The following LDHA variants were observed in gnomAD, a reference collection of about 807,000 sequenced individuals.
LDHA encodes the protein L-lactate dehydrogenase A chain.
A neutral mutation model predicts 36.3 loss-of-function variants in LDHA; 10 were observed. The ratio of observed to expected loss-of-function variants is 0.28; its 90% confidence interval spans 0.17 to 0.47. The LOEUF (loss-of-function observed/expected upper bound fraction) is 0.47, where lower values mean the gene tolerates loss of function less well. Ranked by LOEUF, LDHA falls within the 20% of genes least tolerant of loss-of-function variation. The pLI, the probability that LDHA is intolerant of heterozygous loss-of-function variation, is 0.99. For synonymous variants in LDHA, 110 were observed against 136.7 expected, an observed-to-expected ratio of 0.80 and a Z score of 1.36; for missense variants, 267 against 405.8, an observed-to-expected ratio of 0.66 and a Z score of 2.94.
Position 18,403,797 on chromosome 11 carries a change from G to C in LDHA, c.696G>C (p.Lys232Asn), listed in dbSNP as rs141158742. 183 of 1,575,894 alleles carry C rather than the reference G, an allele frequency of 1.2e-4. No individual in the cohort carries two copies. The African/African-American group carries it at 2.4e-3, about 20-fold the overall frequency. The change falls in exon 6 of 8, where the codon AAG (lysine) becomes AAC (asparagine). Residue 232 changes from lysine (K) to asparagine (N), a missense_variant. Coordinates refer to ENST00000422447, the MANE Select transcript of LDHA (RefSeq NM_005566.4). ...KDKEQWKEVHKQVVESAYEVI... is the reference protein window; with the variant it reads ...KDKEQWKEVHNQVVESAYEVI... ...AGGAACAGTGGAAAGAGGTTCACAA[G>C]CAGGTGGTTGAGAGGTAATAAATCT...
At chr11:18,404,467 A>G (rs1350905510) in intron 6 of LDHA, among the ~76,000 whole-genome samples, 1 of 152,112 alleles carries the variant, frequency 6.6e-6, no homozygotes, top group Non-Finnish European at 1.5e-5. Context: ...ACTTGGTGGC[A>G]TTATTTACCT....
intron 2 of LDHA, among the ~76,000 whole-genome samples, chr11:18,397,862 G>A (rs1252396247): frequency 6.6e-6 from 1 of 152,102 alleles, no homozygotes; most frequent in Non-Finnish European, 1.5e-5. Flanking sequence ...GTAAAATGAT[G>A]AATTCTGGGT....
chr11:18,400,479 A>G, intron 3 of LDHA: 1 of 307,166 alleles, frequency 3.3e-6, no homozygotes, highest in Non-Finnish European at 6.3e-6. Context: ...ACACACACAC[A>G]CACGAAATTG....
intron 6 of LDHA, among the ~76,000 whole-genome samples, chr11:18,404,124 G>T (rs564960172): frequency 4.7e-4 from 58 of 124,166 alleles, no homozygotes; most frequent in Non-Finnish European, 8.0e-4. Flanking sequence ...TAGAGATGGG[G>T]TTTCACCATG....
rs1866769251 is a variant in LDHA, at chr11:18,408,100, G to A, written c.*819G>A. Reference sequence around the variant, plus strand: ...GGAAAGTAACATTCTATATGTAAATGTAAAATTTATTTGCCAACTGAATAT... The same window carrying A: ...GGAAAGTAACATTCTATATGTAAATATAAAATTTATTTGCCAACTGAATAT... On this transcript the variant is annotated 3_prime_UTR_variant, in exon 8 of 8. Coordinates refer to ENST00000422447, the MANE Select transcript of LDHA (RefSeq NM_005566.4). The A allele has an allele frequency of 2.2e-6, 1 of 453,924 alleles. No homozygotes were observed. Among genetic ancestry groups the A allele is most frequent in the Admixed American group, 2.4e-5 (1 of 42,530 alleles). The allele number at this position is 453,924 out of a possible 1,614,324, so 28.1% of individuals were successfully genotyped here.
At chr11:18,407,096 T>TC in intron 7 of LDHA, 21 bp from the exon 8 acceptor site, 1 of 1,592,334 alleles carries the variant, frequency 6.3e-7, no homozygotes, top group Non-Finnish European at 8.6e-7. Flanking sequence ...TGAGATTTTT[T>TC]TTTTTTCATT....
chr11:18,401,955 C>CTT (rs1554961218), intron 4 of LDHA, among the ~76,000 whole-genome samples: 6,461 of 52,760 alleles, frequency 0.12, 679 homozygotes, highest in African/African-American at 0.14. Context: ...TTGTTATTCT[C>CTT]TTTTTTTTTT....
chr11:18,395,841 G>T (rs1305152395), intron 1 of LDHA, among the ~76,000 whole-genome samples: 1 of 152,226 alleles, frequency 6.6e-6, no homozygotes, highest in African/African-American at 2.4e-5. Context: ...TACACTCCCT[G>T]TACTGAAACT....
chr11:18,399,783 T>C (rs1051340693), intron 3 of LDHA: 10 of 458,120 alleles, frequency 2.2e-5, no homozygotes, highest in African/African-American at 2.0e-4. Context: ...TTTGTAGAGA[T>C]GGGGACCCAC....
At chr11:18,407,003 C>CT (rs1866708171) in intron 7 of LDHA, 114 bp from the exon 8 acceptor site, 1 of 769,846 alleles carries the variant, frequency 1.3e-6, no homozygotes, top group Non-Finnish European at 2.0e-6. Flanking sequence ...GAGACTCTGC[C>CT]TCAAAAAAAA....
intron 1 of LDHA, 164 bp downstream of exon 1, chr11:18,394,800 C>T (rs1866234487): frequency 2.6e-6 from 1 of 380,240 alleles, no homozygotes; most frequent in Admixed American, 3.1e-5. Flanking sequence ...CGGCGGCCCA[C>T]ACAACGCATG....
intron 7 of LDHA, chr11:18,406,843 A>G: frequency 3.3e-6 from 1 of 306,256 alleles, no homozygotes; most frequent in Non-Finnish European, 6.1e-6. Flanking sequence ...GTGAAACCCC[A>G]TCTGTACTAA....
intron 6 of LDHA, among the ~76,000 whole-genome samples, chr11:18,404,084 T>C (rs1030244043): frequency 6.6e-6 from 1 of 152,132 alleles, no homozygotes. Flanking sequence ...GCATATGCCA[T>C]GACGCCCGGC....
rs1866720993 is a variant in LDHA, at chr11:18,407,241, C to T, written c.959C>T (p.Ala320Val). Reference protein sequence around the residue: ...SEEEARLKKSADTLWGIQKEL... With the variant: ...SEEEARLKKSVDTLWGIQKEL... Reference sequence around the variant, plus strand: ...GAAGAGGCCCGTTTGAAGAAGAGTGCAGATACACTTTGGGGGATCCAAAAG... The same window carrying T: ...GAAGAGGCCCGTTTGAAGAAGAGTGTAGATACACTTTGGGGGATCCAAAAG... Residue 320 changes from alanine to valine, a missense_variant, in exon 8 of 8, where the codon GCA (alanine) becomes GTA (valine). Physicochemically the swap from Ala to Val is moderately conservative, Grantham distance 64 (BLOSUM62 0). Transcript: ENST00000422447. The T allele has an allele frequency of 6.2e-7, 1 of 1,613,892 alleles. No individual in the cohort carries two copies. Among genetic ancestry groups the T allele is most frequent in the Non-Finnish European group, 8.5e-7 (1 of 1,179,860 alleles).
intron 1 of LDHA, 133 bp from the exon 2 acceptor site, chr11:18,396,686 C>A: frequency 7.3e-7 from 1 of 1,362,390 alleles, no homozygotes; most frequent in African/African-American, 1.5e-5. Flanking sequence ...GGTTTTTTCC[C>A]CTCCCTTTTT....
chr11:18,395,958 C>G (rs932883769), intron 1 of LDHA, among the ~76,000 whole-genome samples: 14 of 152,228 alleles, frequency 9.2e-5, no homozygotes, highest in Admixed American at 5.9e-4. Context: ...TCTAGTATTG[C>G]GATTTAAAGT....
Position 18,405,453 on chromosome 11 carries a change from T to C in LDHA, c.715T>C (p.Tyr239His). ...EVHKQVVESA[Y>H]EVIKLKGYTS... Reference sequence around the variant, plus strand: ...CTATGGTTTCCTATCATACAGTGCTTATGAGGTGATCAAACTCAAAGGCTA... The same window carrying C: ...CTATGGTTTCCTATCATACAGTGCTCATGAGGTGATCAAACTCAAAGGCTA... The change falls in exon 7 of 8, where the codon TAT (tyrosine) becomes CAT (histidine). Residue 239 changes from tyrosine (Y) to histidine (H), a missense_variant. Physicochemically the swap from Tyr to His is moderately conservative, Grantham distance 83. Coordinates refer to ENST00000422447, the MANE Select transcript of LDHA (RefSeq NM_005566.4). 1 of 1,613,236 alleles carries C rather than the reference T, an allele frequency of 6.2e-7. No homozygotes were observed. The highest frequency in any genetic ancestry group is 8.5e-7 in the Non-Finnish European group (1 of 1,179,890).
intron 1 of LDHA, among the ~76,000 whole-genome samples, chr11:18,395,885 A>G (rs1866274977): frequency 6.6e-6 from 1 of 152,252 alleles, no homozygotes; most frequent in African/African-American, 2.4e-5. Context: ...GGCCTTTGCA[A>G]CAAGGATCAC....
rs746981573 is a variant in LDHA, at chr11:18,405,480, A to G, written c.742A>G (p.Thr248Ala). The G allele has an allele frequency of 6.2e-7, 1 of 1,613,730 alleles. No homozygotes were observed. The change falls in exon 7 of 8, where the codon ACA becomes GCA. Residue 248 changes from threonine to alanine, a missense_variant. Physicochemically the swap from Thr to Ala is moderately conservative, Grantham distance 58. Coordinates refer to ENST00000422447, the MANE Select transcript of LDHA (RefSeq NM_005566.4). ...AYEVIKLKGYTSWAIGLSVAD... is the reference protein window; with the variant it reads ...AYEVIKLKGYASWAIGLSVAD... Reference sequence around the variant, plus strand: ...TGAGGTGATCAAACTCAAAGGCTACACATCCTGGGCTATTGGACTCTCTGT... The same window carrying G: ...TGAGGTGATCAAACTCAAAGGCTACGCATCCTGGGCTATTGGACTCTCTGT...
Sources: gnomAD v4.1 joint callset for allele counts (sites outside exome capture counted in the v4.1 genomes callset) on GRCh38, gnomAD v4.1.1 for gene constraint, MANE v1.5 for transcripts, NCBI Gene and HGNC (gene_info 2026-07-23, HGNC 2026-07-21) for gene names.